EPHA6: variants seen among roughly 807,000 people sequenced by gnomAD.
EPHA6 encodes the protein EPH receptor A6.
Under a neutral mutation model 112.0 loss-of-function variants are expected in EPHA6, and 50 were observed. That is an observed-to-expected ratio of 0.45 (90% CI 0.36 to 0.56). EPHA6 has a LOEUF of 0.56. EPHA6 is among the 20% of genes least tolerant of loss of function. The pLI, the probability that EPHA6 is intolerant of heterozygous loss-of-function variation, is 0.00. For synonymous variants in EPHA6, 529 were observed against 490.7 expected (o/e 1.08, Z -1.03); for missense variants, 1,280 against 1,417.4 (o/e 0.90, Z 1.56).
chr3:97,483,361 T>C (rs1333081771), intron 9 of EPHA6, among the ~76,000 whole-genome samples: 1 of 152,184 alleles, frequency 6.6e-6, no homozygotes, highest in Admixed American at 6.5e-5. Flanking sequence ...TTCAGGACTA[T>C]ATGCAGTCAG....
At chr3:97,671,531 G>T (rs1366467379) in intron 14 of EPHA6, among the ~76,000 whole-genome samples, 1 of 152,142 alleles carries the variant, frequency 6.6e-6, no homozygotes, top group Non-Finnish European at 1.5e-5. Flanking sequence ...GGGTTTGTGA[G>T]AGCATATTCA....
At chr3:97,728,408 A>C (rs2034879653) in intron 15 of EPHA6, among the ~76,000 whole-genome samples, 1 of 152,106 alleles carries the variant, frequency 6.6e-6, no homozygotes, top group African/African-American at 2.4e-5. Context: ...AGGAACTGGC[A>C]TAGTAAGAAA....
chr3:97,341,835 C>T (rs2083321425), intron 5 of EPHA6, among the ~76,000 whole-genome samples: 2 of 152,032 alleles, frequency 1.3e-5, no homozygotes, highest in South Asian at 4.2e-4. Context: ...TTATATTACC[C>T]CAGCAAAATC....
At chr3:97,420,914 T>C (rs1423456364) in intron 6 of EPHA6, among the ~76,000 whole-genome samples, 1 of 151,882 alleles carries the variant, frequency 6.6e-6, no homozygotes, top group East Asian at 1.9e-4. Flanking sequence ...CAGTAGATAA[T>C]TTATCAATGT....
At chr3:97,077,855 T>C (rs890776676) in intron 3 of EPHA6, among the ~76,000 whole-genome samples, 5 of 152,264 alleles carry the variant, frequency 3.3e-5, no homozygotes, top group African/African-American at 7.2e-5. Flanking sequence ...AATAAATATA[T>C]GTGTGCATGT....
chr3:97,726,910 C>T (rs1020431050), intron 15 of EPHA6, among the ~76,000 whole-genome samples: 1 of 151,966 alleles, frequency 6.6e-6, no homozygotes, highest in African/African-American at 2.4e-5. Flanking sequence ...AAAAAAGTAG[C>T]GACACTTAAA....
In EPHA6 at chr3:97,643,048, C is replaced by T. The variant is rs375024228; in HGVS notation, c.2784+4966C>T. Among the ~76,000 whole-genome samples the T allele has an allele frequency of 1.4e-3, 215 of 152,192 alleles. 9 individuals are homozygous for T. The East Asian group carries it at 0.039, about 28-fold the overall frequency. On this transcript the variant is annotated intron_variant, in intron 14 of 17. Coordinates refer to ENST00000389672, the MANE Select transcript of EPHA6 (RefSeq NM_001080448.3). ...GTTAAGGGCAGCCAGAGAGAAAGGT[C>T]GGGTTACCCTCAAAGGGAAGCCCAT... is the stretch of plus-strand genomic sequence containing the variant.
At chr3:97,139,126 C>G (rs1312648255) in intron 3 of EPHA6, among the ~76,000 whole-genome samples, 2 of 152,188 alleles carry the variant, frequency 1.3e-5, no homozygotes, top group African/African-American at 4.8e-5. Flanking sequence ...CCAGCCCACT[C>G]AGCTTTGTCA....
intron 5 of EPHA6, among the ~76,000 whole-genome samples, chr3:97,253,587 T>A (rs1371043626): frequency 6.6e-6 from 1 of 152,190 alleles, no homozygotes; most frequent in Non-Finnish European, 1.5e-5. Flanking sequence ...GCTTACATAT[T>A]TCCTAAGTAA....
chr3:97,023,322 G>A (rs1349520917), intron 3 of EPHA6, among the ~76,000 whole-genome samples: 1 of 152,060 alleles, frequency 6.6e-6, no homozygotes, highest in African/African-American at 2.4e-5. Flanking sequence ...CTCATGATCT[G>A]CCTGCCTTGG....
intron 11 of EPHA6, among the ~76,000 whole-genome samples, chr3:97,587,144 G>A (rs374667071): frequency 6.6e-6 from 1 of 152,024 alleles, no homozygotes; most frequent in Non-Finnish European, 1.5e-5. Context: ...TCGGGAGGCT[G>A]AGGCAGGAGA....
At chr3:96,824,901 G>A (rs531276554) in intron 1 of EPHA6, among the ~76,000 whole-genome samples, 2 of 150,974 alleles carry the variant, frequency 1.3e-5, no homozygotes, top group South Asian at 2.1e-4. Context: ...CTGCCCTCCC[G>A]CAAAGGACAG....
At chr3:97,559,636 C>T (rs1291636432) in intron 11 of EPHA6, 5 of 455,274 alleles carry the variant, frequency 1.1e-5, no homozygotes, top group Non-Finnish European at 2.2e-5. Context: ...AAAGGGGAAG[C>T]AGGCTTTCTA....
intron 3 of EPHA6, among the ~76,000 whole-genome samples, chr3:97,141,216 G>A (rs2108352305): frequency 6.6e-6 from 1 of 152,120 alleles, no homozygotes; most frequent in South Asian, 2.1e-4. Flanking sequence ...GGGATATGTA[G>A]CCATACAATC....
chr3:97,746,601 G>C (rs1382714923), intron 16 of EPHA6, among the ~76,000 whole-genome samples: 3 of 151,554 alleles, frequency 2.0e-5, no homozygotes, highest in African/African-American at 7.3e-5. Context: ...ATAAATATGT[G>C]TATGTAATGT....
At chr3:97,327,986 T>A (rs1402961583) in intron 5 of EPHA6, among the ~76,000 whole-genome samples, 1 of 136,492 alleles carries the variant, frequency 7.3e-6, no homozygotes, top group Non-Finnish European at 1.5e-5. Context: ...TGTGCATATA[T>A]ATGTATATGT....
At chr3:97,568,663 C>T (rs2093298647) in intron 11 of EPHA6, among the ~76,000 whole-genome samples, 1 of 152,196 alleles carries the variant, frequency 6.6e-6, no homozygotes, top group Admixed American at 6.5e-5. Context: ...TATGTAGAAT[C>T]ATGAGCTCCC....
intron 10 of EPHA6, among the ~76,000 whole-genome samples, chr3:97,498,117 A>G (rs1475991395): frequency 1.3e-5 from 2 of 152,128 alleles, no homozygotes; most frequent in Admixed American, 1.3e-4. Flanking sequence ...AATCTGGTCT[A>G]TGTTCTTGTT....
chr3:97,625,661 A>G (rs149187249), intron 13 of EPHA6, among the ~76,000 whole-genome samples: 24 of 151,542 alleles, frequency 1.6e-4, no homozygotes, highest in Admixed American at 5.3e-4. Flanking sequence ...AATTCTGTCA[A>G]TTTTTGTTTC....
Sources: gnomAD v4.1 joint callset for allele counts (sites outside exome capture counted in the v4.1 genomes callset) on GRCh38, gnomAD v4.1.1 for gene constraint, MANE v1.5 for transcripts, NCBI Gene and HGNC (gene_info 2026-07-23, HGNC 2026-07-21) for gene names.